The following ERO1A variants were observed in gnomAD, a reference collection of about 807,000 sequenced individuals.
The protein encoded by ERO1A is ERO1-like protein alpha.
ERO1A carries 49 observed loss-of-function variants against 76.9 expected under a neutral mutation model. That is an observed-to-expected ratio of 0.64 (90% CI 0.51 to 0.81). The LOEUF is 0.81. Among genes scored for constraint, ERO1A ranks in the 30% least tolerant of loss-of-function variants. ERO1A has a pLI of 0.00. For missense variants in ERO1A, 448 were observed against 542.1 expected, an observed-to-expected ratio of 0.83 and a Z score of 1.72; for synonymous variants, 174 against 181.2, an observed-to-expected ratio of 0.96 and a Z score of 0.32.
rs2039470594 is a variant in ERO1A at position 52,641,457 on chromosome 14, A to C, written c.*2113T>G. On this transcript the variant is annotated 3_prime_UTR_variant, in exon 16 of 16. Transcript: ENST00000395686. ...TCTACTAAAAATACAAAAAAAAAAAAAAAAAAATTAGCCGGGCGTGGTGGC... is the reference window on the plus strand; with the variant it reads ...TCTACTAAAAATACAAAAAAAAAAACAAAAAAATTAGCCGGGCGTGGTGGC... 1 of 151,532 alleles carries C rather than the reference A, an allele frequency of 6.6e-6. No individual in the cohort carries two copies. The highest frequency in any genetic ancestry group is 2.4e-5 in the African/African-American group (1 of 41,178). The allele number at this position is 151,532 out of a possible 1,614,324, so 9.4% of individuals were successfully genotyped here. A position where few individuals can be genotyped will look rare whatever the true frequency, so the allele number is the denominator to read the frequency against.
At chr14:52,668,246 T>C (rs973460574) in intron 6 of ERO1A, among the ~76,000 whole-genome samples, 1 of 152,150 alleles carries the variant, frequency 6.6e-6, no homozygotes, top group Non-Finnish European at 1.5e-5. Context: ...CCCTGATGTT[T>C]AAAATATATA....
At chr14:52,654,625 A>C (rs900914398) in intron 11 of ERO1A, among the ~76,000 whole-genome samples, 1 of 152,206 alleles carries the variant, frequency 6.6e-6, no homozygotes, top group African/African-American at 2.4e-5. Flanking sequence ...GTTAGTTTGT[A>C]AGTTCAAGTC....
intron 6 of ERO1A, among the ~76,000 whole-genome samples, chr14:52,669,000 A>G (rs1186966958): frequency 6.6e-6 from 1 of 152,100 alleles, no homozygotes; most frequent in Non-Finnish European, 1.5e-5. Flanking sequence ...GCCAATATCC[A>G]GCCCTAGAAG....
rs1046476656 is a variant in ERO1A at position 52,640,626 on chromosome 14, T to C, written c.*2944A>G. 4 of 152,148 alleles carry C rather than the reference T, an allele frequency of 2.6e-5. No homozygotes were observed. Among genetic ancestry groups the C allele is most frequent in the Non-Finnish European group, 4.4e-5 (3 of 68,068 alleles). The allele number at this position is 152,148 out of a possible 1,614,324, so 9.4% of individuals were successfully genotyped here. A position where few individuals can be genotyped will look rare whatever the true frequency, so the allele number is the denominator to read the frequency against. On this transcript the variant is annotated 3_prime_UTR_variant, in exon 16 of 16. Coordinates refer to ENST00000395686, the MANE Select transcript of ERO1A (RefSeq NM_014584.3). ...CAACAGAGAGGAGACCAGCTAGGTA[T>C]AGGAGGCAGGTTAGTACTGTAGGTA...
rs150503962 is a variant in ERO1A at position 52,671,846 on chromosome 14, A to G, written c.383T>C (p.Ile128Thr). ...TCGTTCAGCTTGTTCACATTCTTCA[A>G]TGAGATTATTGGCTTCTTCAGAATA... The part of the protein sequence containing the change: ...YKYSEEANNL[I>T]EECEQAERLG... Residue 128 changes from isoleucine to threonine, a missense_variant, in exon 5 of 16, where the codon ATT (isoleucine) becomes ACT (threonine). Physicochemically the swap from Ile to Thr is moderately conservative, Grantham distance 89. Coordinates refer to ENST00000395686, the MANE Select transcript of ERO1A (RefSeq NM_014584.3). The G allele has an allele frequency of 4.5e-5, 73 of 1,606,156 alleles. No individual in the cohort carries two copies. Among genetic ancestry groups the G allele is most frequent in the Admixed American group, 3.9e-4 (23 of 59,268 alleles).
chr14:52,650,702 A>G lies in ERO1A; in HGVS notation c.1125+1537T>C, dbSNP rs540087782. On this transcript the variant is annotated intron_variant, in intron 13 of 15. Coordinates refer to ENST00000395686, the MANE Select transcript of ERO1A (RefSeq NM_014584.3). The stretch of plus-strand genomic sequence containing the variant: ...GAGAAGAGAAATATAATTTTACTTG[A>G]CCCCCTCTGGAAATCCCTTGAGGGT... Among the ~76,000 whole-genome samples the G allele has an allele frequency of 2.5e-3, 384 of 152,154 alleles. 3 individuals carry two copies. The highest frequency in any genetic ancestry group is 4.6e-3 in the Admixed American group (70 of 15,280).
At position 52,677,991 on chromosome 14, in the gene ERO1A, C is replaced by T. The variant is rs575351524; in HGVS notation, c.357+443G>A. Among the ~76,000 whole-genome samples the T allele has an allele frequency of 2.6e-3, 391 of 150,108 alleles. 2 individuals carry two copies. Among genetic ancestry groups the T allele is most frequent in the African/African-American group, 9.1e-3 (373 of 40,778 alleles). On this transcript the variant is annotated intron_variant, in intron 4 of 15. Transcript: ENST00000395686. ...ATAATAAAATGCTAAACAGGCCGGA[C>T]GCGGTGGCTCACGCCTATAATCCCA... is the stretch of plus-strand genomic sequence containing the variant.
Position 52,667,945 on chromosome 14 carries a change from C to A in ERO1A, c.509-1450G>T, listed in dbSNP as rs563887698. 2.7e-3 allele frequency among the ~76,000 whole-genome samples: 406 copies of A among 150,726 alleles called. 1 individual carries two copies. The highest frequency in any genetic ancestry group is 9.4e-3 in the African/African-American group (387 of 41,102). Reference sequence around the variant, plus strand: ...ACCTATTTTTATTATTAAAAAAAAACCACAAAAACAAAAAAAAACCCTAAG... The same window carrying A: ...ACCTATTTTTATTATTAAAAAAAAAACACAAAAACAAAAAAAAACCCTAAG... On this transcript the variant is annotated intron_variant, in intron 6 of 15. Transcript: ENST00000395686.
chr14:52,675,213 G>A (rs62005406), intron 4 of ERO1A, among the ~76,000 whole-genome samples: 65,130 of 151,772 alleles, frequency 0.43, 14,848 homozygotes, highest in Middle Eastern at 0.54. Context: ...GTGAAACCCC[G>A]TCTCTACTAA....
chr14:52,675,954 G>T (rs577481394), intron 4 of ERO1A, among the ~76,000 whole-genome samples: 40 of 152,208 alleles, frequency 2.6e-4, no homozygotes, highest in South Asian at 6.2e-4. Flanking sequence ...CAAAGTGCTG[G>T]GATTGTAAGC....
At chr14:52,690,991 C>T (rs1160376698) in intron 1 of ERO1A, among the ~76,000 whole-genome samples, 5 of 151,974 alleles carry the variant, frequency 3.3e-5, no homozygotes, top group Admixed American at 1.3e-4. Flanking sequence ...GGTCTCGAAC[C>T]CCCAACCTCA....
At chr14:52,693,918 A>G (rs768013400) in intron 1 of ERO1A, among the ~76,000 whole-genome samples, 2 of 152,328 alleles carry the variant, frequency 1.3e-5, no homozygotes, top group Non-Finnish European at 2.9e-5. Context: ...ATATGAGGGT[A>G]TTGTGAAAGA....
Position 52,646,369 on chromosome 14 carries a change from G to C in ERO1A, c.1212+6C>G, listed in dbSNP as rs372188484. 18 of 1,608,502 alleles carry C rather than the reference G, an allele frequency of 1.1e-5. No individual in the cohort carries two copies. The highest frequency in any genetic ancestry group is 1.4e-5 in the Non-Finnish European group (17 of 1,178,126). On this transcript the variant is annotated splice_donor_region_variant and intron_variant, in intron 14 of 15. Coordinates refer to ENST00000395686, the MANE Select transcript of ERO1A (RefSeq NM_014584.3). ...ATGAGAAATAGGAATGACTAAATTT[G>C]CTTACCTGAAGCTTTCCCCACAGAC...
chr14:52,680,088 A>C (rs1238942033), intron 3 of ERO1A, among the ~76,000 whole-genome samples: 268 of 150,960 alleles, frequency 1.8e-3, no homozygotes, highest in African/African-American at 6.5e-3. Context: ...CAAACAAAAA[A>C]AAAAAAAAAA....
At chr14:52,644,638 T>A (rs921244707) in intron 15 of ERO1A, among the ~76,000 whole-genome samples, 2 of 152,106 alleles carry the variant, frequency 1.3e-5, no homozygotes, top group East Asian at 1.9e-4. Flanking sequence ...CACAGAAATA[T>A]CATTTTTAAA....
Position 52,646,434 on chromosome 14 carries a change from T to C in ERO1A, c.1153A>G (p.Ile385Val). The C allele has an allele frequency of 6.2e-7, 1 of 1,612,634 alleles. No individual in the cohort carries two copies. Among genetic ancestry groups the C allele is most frequent in the East Asian group, 2.2e-5 (1 of 44,836 alleles). ...KEDFRLHFRN[I>V]SRIMDCVGCF... ...CCAACACAATCCATAATTCTTGAAA[T>C]ATTTCTAAAATGCAGTCGAAAGTCC... Residue 385 changes from isoleucine to valine, a missense_variant, in exon 14 of 16, where the codon ATT (isoleucine) becomes GTT (valine). Transcript: ENST00000395686.
At chr14:52,680,082 C>CAAAAAAAAAAAAAAAAAAAACAAAAAA (rs2040939131) in intron 3 of ERO1A, among the ~76,000 whole-genome samples, 2 of 90,934 alleles carry the variant, frequency 2.2e-5, no homozygotes, top group South Asian at 3.5e-4. Flanking sequence ...AAAACACAAA[C>CAAAAAAAAAAAAAAAAAAAACAAAAAA]AAAAAAAAAA....
At chr14:52,668,396 T>C (rs2040483213) in intron 6 of ERO1A, among the ~76,000 whole-genome samples, 3 of 151,634 alleles carry the variant, frequency 2.0e-5, no homozygotes. Flanking sequence ...AAATACAAAA[T>C]TAGCCGGGCA....
chr14:52,693,618 T>C (rs1477213434), intron 1 of ERO1A, among the ~76,000 whole-genome samples: 2 of 152,086 alleles, frequency 1.3e-5, no homozygotes, highest in Non-Finnish European at 2.9e-5. Flanking sequence ...GTGTCCCAAG[T>C]AGCTGAGACC....
Sources: gnomAD v4.1 joint callset for allele counts (sites outside exome capture counted in the v4.1 genomes callset) on GRCh38, gnomAD v4.1.1 for gene constraint, MANE v1.5 for transcripts, NCBI Gene and HGNC (gene_info 2026-07-23, HGNC 2026-07-21) for gene names.